PICK1: variants seen among roughly 807,000 people sequenced by gnomAD.
The protein encoded by PICK1 is protein interacting with PRKCA 1.
In PICK1, 23 loss-of-function variants were observed where a neutral mutation model predicts 48.9. That is an observed-to-expected ratio of 0.47 (90% CI 0.34 to 0.67). The LOEUF is 0.67. Ranked by LOEUF, PICK1 falls within the 30% of genes least tolerant of loss-of-function variation. The pLI, the probability that PICK1 is intolerant of heterozygous loss-of-function variation, is 0.01. For missense variants in PICK1, 423 were observed against 557.1 expected, an observed-to-expected ratio of 0.76 and a Z score of 2.42; for synonymous variants, 217 against 228.2, an observed-to-expected ratio of 0.95 and a Z score of 0.44.
rs183434075 is a variant in PICK1, at chr22:38,074,460, C to T, written c.979+9C>T. On this transcript the variant is annotated intron_variant, in intron 12 of 12. Coordinates refer to ENST00000356976, the MANE Select transcript of PICK1 (RefSeq NM_012407.4). This position sits in a 1 kb window ranked among gnomAD's most constrained non-coding sequence, Gnocchi z 4.5. Reference sequence around the variant, plus strand: ...GCTGGACCAGAAGCACGGTGAGCGCCGCCCTCCTCCCCGTCCGCTCTCCAT... The same window carrying T: ...GCTGGACCAGAAGCACGGTGAGCGCTGCCCTCCTCCCCGTCCGCTCTCCAT... 473 of 1,612,978 alleles carry T rather than the reference C, an allele frequency of 2.9e-4. 2 individuals are homozygous for T. In the African/African-American group the frequency reaches 5.1e-3, roughly 17 times the overall value.
At chr22:38,071,601 T>C (rs2085694641) in intron 7 of PICK1, 81 bp from the exon 8 acceptor site, 12 of 1,215,854 alleles carry the variant, frequency 9.9e-6, no homozygotes, top group Non-Finnish European at 1.5e-5. Context: ...TTGGGTGGCA[T>C]GGGCAATTGG....
intron 3 of PICK1, among the ~76,000 whole-genome samples, chr22:38,063,203 C>T (rs560356182): frequency 6.6e-6 from 1 of 151,730 alleles, no homozygotes; most frequent in East Asian, 1.9e-4. Context: ...GTCGCCCAGG[C>T]TGGAGTGCAG....
chr22:38,063,642 C>CT lies in PICK1; in HGVS notation c.154-1343dup, dbSNP rs201143064. The stretch of plus-strand genomic sequence containing the variant: ...CCTTTCTTTTCTTCTCTTCTCTGTT[C>CT]TTTTTTTTTTTTTTTTTCGAGACAG... On this transcript the variant is annotated intron_variant, in intron 3 of 12. Coordinates refer to ENST00000356976, the MANE Select transcript of PICK1 (RefSeq NM_012407.4). 6.5e-3 allele frequency among the ~76,000 whole-genome samples: 854 copies of CT among 131,598 alleles called. 10 individuals carry two copies. Among genetic ancestry groups the CT allele is most frequent in the East Asian group, 0.02 (94 of 4,642 alleles). 86.3% of individuals were successfully genotyped at this position (131,598 alleles called of 152,430 possible). A position where few individuals can be genotyped will look rare whatever the true frequency, so the allele number is the denominator to read the frequency against.
At chr22:38,062,499 C>T (rs2085427509) in intron 3 of PICK1, among the ~76,000 whole-genome samples, 2 of 152,132 alleles carry the variant, frequency 1.3e-5, no homozygotes, top group African/African-American at 2.4e-5. Context: ...CCACCTGCCT[C>T]GACCTCCCAA....
intron 5 of PICK1, among the ~76,000 whole-genome samples, chr22:38,068,793 C>T (rs919054124): frequency 3.3e-5 from 5 of 152,316 alleles, no homozygotes; most frequent in Middle Eastern, 3.4e-3. Context: ...GCTGATGTTG[C>T]GTAGCAGGCC....
chr22:38,067,985 G>A (rs2085572879), intron 5 of PICK1: 2 of 668,458 alleles, frequency 3.0e-6, no homozygotes, highest in Non-Finnish European at 5.6e-6. Flanking sequence ...TCTGTCCCTG[G>A]TTTCTCACTC....
At position 38,066,676 on chromosome 22, in the gene PICK1, G is replaced by A. The variant is rs2085533539; in HGVS notation, c.283-1028G>A. On this transcript the variant is annotated intron_variant, in intron 4 of 12. Coordinates refer to ENST00000356976, the MANE Select transcript of PICK1 (RefSeq NM_012407.4). The surrounding 1 kb of genome is among the most constrained non-coding windows in gnomAD (Gnocchi z 4.1). ...AGCACGCCTGTGTTTCATTCTGCGG[G>A]AGCAGTTCACACCCCACCTCTGACT... is the stretch of plus-strand genomic sequence containing the variant. 6.6e-6 allele frequency among the ~76,000 whole-genome samples: 1 copy of A among 152,228 alleles called. No individual in the cohort carries two copies. The highest frequency in any genetic ancestry group is 2.4e-5 in the African/African-American group (1 of 41,466).
At chr22:38,068,653 C>G (rs1392777056) in intron 5 of PICK1, among the ~76,000 whole-genome samples, 2 of 152,298 alleles carry the variant, frequency 1.3e-5, no homozygotes, top group East Asian at 3.9e-4. Flanking sequence ...AGCCCAGGGG[C>G]CCCTCTTCTC....
At chr22:38,069,758 T>C (rs1370553717) in intron 6 of PICK1, among the ~76,000 whole-genome samples, 1 of 152,212 alleles carries the variant, frequency 6.6e-6, no homozygotes, top group East Asian at 1.9e-4. Context: ...ACTGAGCTTG[T>C]TCCAAATGGT....
chr22:38,063,647 T>C (rs1394469542), intron 3 of PICK1, among the ~76,000 whole-genome samples: 1 of 150,490 alleles, frequency 6.6e-6, no homozygotes, highest in East Asian at 1.9e-4. Context: ...CTGTTCTTTT[T>C]TTTTTTTTTT....
chr22:38,058,001 C>G (rs1049548115), intron 2 of PICK1, 151 bp downstream of exon 2: 11 of 726,836 alleles, frequency 1.5e-5, no homozygotes, highest in Non-Finnish European at 2.8e-5. Context: ...CAGGAGCTCA[C>G]TATTTGTAGG....
At chr22:38,063,874 G>A (rs1316291453) in intron 3 of PICK1, among the ~76,000 whole-genome samples, 1 of 151,628 alleles carries the variant, frequency 6.6e-6, no homozygotes, top group African/African-American at 2.4e-5. Context: ...GTATTTTGAT[G>A]CACCAGTTTT....
At chr22:38,062,852 A>G (rs536347585) in intron 3 of PICK1, among the ~76,000 whole-genome samples, 1 of 152,288 alleles carries the variant, frequency 6.6e-6, no homozygotes, top group Admixed American at 6.5e-5. Flanking sequence ...TGGAAGTGTG[A>G]TGGCCTTGTC....
At position 38,073,164 on chromosome 22, in the gene PICK1, A is replaced by G. The variant is rs2085744665; in HGVS notation, c.783+72A>G. On this transcript the variant is annotated intron_variant, in intron 10 of 12. Transcript: ENST00000356976. This position sits in a 1 kb window ranked among gnomAD's most constrained non-coding sequence, Gnocchi z 5.7. The stretch of plus-strand genomic sequence containing the variant: ...GAGATCTGCCCCACTTCAGTCAGCC[A>G]TGCTGCGGCCAGCGAGGCCAGCCAG... 9.5e-7 allele frequency: 1 copy of G among 1,055,426 alleles called. No individual in the cohort carries two copies. The highest frequency in any genetic ancestry group is 1.5e-6 in the Non-Finnish European group (1 of 671,738). The allele number at this position is 1,055,426 out of a possible 1,614,324, so 65.4% of individuals were successfully genotyped here. A position where few individuals can be genotyped will look rare whatever the true frequency, so the allele number is the denominator to read the frequency against.
At chr22:38,067,917 A>G in intron 5 of PICK1, 147 bp downstream of exon 5, 2 of 740,910 alleles carry the variant, frequency 2.7e-6, no homozygotes, top group Non-Finnish European at 4.9e-6. Flanking sequence ...CCTCTGACCA[A>G]GCAAATCTGA....
At position 38,074,534 on chromosome 22, in the gene PICK1, C is replaced by A. The variant is rs1219925684; in HGVS notation, c.979+83C>A. 18 of 1,540,568 alleles carry A rather than the reference C, an allele frequency of 1.2e-5. No individual in the cohort carries two copies. The highest frequency in any genetic ancestry group is 1.6e-5 in the Non-Finnish European group (18 of 1,128,872). On this transcript the variant is annotated intron_variant, in intron 12 of 12. Transcript: ENST00000356976. This position sits in a 1 kb window ranked among gnomAD's most constrained non-coding sequence, Gnocchi z 4.5. ...CCAGAGGGGTACTCTCAGGGCCAGG[C>A]CACGGCCCAGATGTAAAGCCCCTCC...
intron 4 of PICK1, among the ~76,000 whole-genome samples, chr22:38,065,838 C>T (rs549232741): frequency 6.6e-6 from 1 of 152,246 alleles, no homozygotes; most frequent in Admixed American, 6.5e-5. Flanking sequence ...GATGTGCAGG[C>T]AGTGCACAGC....
intron 9 of PICK1, 113 bp from the exon 10 acceptor site, chr22:38,072,887 C>T (rs775577629): frequency 5.8e-6 from 5 of 858,802 alleles, no homozygotes; most frequent in African/African-American, 1.7e-5. Context: ...CAGGGAGCAC[C>T]ATCTGGCTCT....
At chr22:38,064,975 C>T (rs2085490064) in intron 3 of PICK1, 27 bp from the exon 4 acceptor site, 2 of 1,613,264 alleles carry the variant, frequency 1.2e-6, no homozygotes, top group Admixed American at 3.3e-5. Context: ...CCTTTCTTCC[C>T]CCACCACTCT....
Sources: allele counts gnomAD v4.1 joint callset (sites outside exome capture counted in the v4.1 genomes callset), GRCh38; gene constraint gnomAD v4.1.1; non-coding constraint Gnocchi (gnomAD v3.1); transcripts MANE v1.5; gene names NCBI Gene and HGNC (gene_info 2026-07-23, HGNC 2026-07-21).